The following LDLRAP1 variants were observed in gnomAD, a reference collection of about 807,000 sequenced individuals.
LDLRAP1 encodes the protein low density lipoprotein receptor adapter protein 1.
In LDLRAP1, 30 loss-of-function variants were observed where a neutral mutation model predicts 37.8. The observed-to-expected ratio is 0.79, with a 90% confidence interval of 0.59 to 1.08. The LOEUF is 1.08. LDLRAP1 is among the 50% of genes least tolerant of loss of function. The probability of loss-of-function intolerance (pLI) is 0.00; values close to 1 mark genes in which losing one functional copy is unlikely to be tolerated. For synonymous variants in LDLRAP1, 156 were observed against 169.8 expected (o/e 0.92, Z 0.63); for missense variants, 375 against 401.6 (o/e 0.93, Z 0.57).
rs549828915 is a variant in LDLRAP1 at position 25,554,379 on chromosome 1, C to G, written c.231+315C>G. The stretch of plus-strand genomic sequence containing the variant: ...AGTTTGCTTTCCCTTGACTACCTGC[C>G]CAATGGCCTGAGAGACAGCATAGCC... On this transcript the variant is annotated intron_variant, in intron 2 of 8. Coordinates refer to ENST00000374338, the MANE Select transcript of LDLRAP1 (RefSeq NM_015627.3). This position sits in a 1 kb window ranked among gnomAD's most constrained non-coding sequence, Gnocchi z 5.4. Among the ~76,000 whole-genome samples, 43 of 152,260 alleles carry G rather than the reference C, an allele frequency of 2.8e-4. No homozygotes were observed. The highest frequency in any genetic ancestry group is 8.3e-4 in the South Asian group (4 of 4,818).
In LDLRAP1 at chr1:25,563,720, G is replaced by A. The variant is rs143563728; in HGVS notation, c.676G>A (p.Val226Ile). The change falls in exon 7 of 9, where the codon GTC (valine) becomes ATC (isoleucine). Residue 226 changes from valine (V) to isoleucine (I), a missense_variant. Val to Ile is a conservative substitution (Grantham distance 29, BLOSUM62 3). Coordinates refer to ENST00000374338, the MANE Select transcript of LDLRAP1 (RefSeq NM_015627.3). ...EETAKAPLSTVSANTTNMDEV... is the reference protein window; with the variant it reads ...EETAKAPLSTISANTTNMDEV... ...GACAGCTAAGGCCCCGCTGTCCACGGTCAGCGCCAACACCACCAACATGGA... is the reference window on the plus strand; with the variant it reads ...GACAGCTAAGGCCCCGCTGTCCACGATCAGCGCCAACACCACCAACATGGA... 2.8e-5 allele frequency: 45 copies of A among 1,613,990 alleles called. No homozygotes were observed. In the African/African-American group the frequency reaches 5.6e-4, roughly 20 times the overall value.
In LDLRAP1 at chr1:25,568,314, C is replaced by A. The variant is rs1232684603; in HGVS notation, c.*1322C>A. The A allele has an allele frequency of 6.6e-6, 1 of 152,510 alleles. No homozygotes were observed. Among genetic ancestry groups the A allele is most frequent in the South Asian group, 2.1e-4 (1 of 4,828 alleles). The allele number at this position is 152,510 out of a possible 1,614,324, so 9.4% of individuals were successfully genotyped here. A position where few individuals can be genotyped will look rare whatever the true frequency, so the allele number is the denominator to read the frequency against. ...AATCATGCTGTTCTCTTTGCTGACACTGTGACCCTGGGTCGGGACAGACCA... is the reference window on the plus strand; with the variant it reads ...AATCATGCTGTTCTCTTTGCTGACAATGTGACCCTGGGTCGGGACAGACCA... On this transcript the variant is annotated 3_prime_UTR_variant, in exon 9 of 9. Coordinates refer to ENST00000374338, the MANE Select transcript of LDLRAP1 (RefSeq NM_015627.3).
chr1:25,578,112 A>G, the LDLRAP1 span, among the ~76,000 whole-genome samples: 4 of 152,126 alleles, frequency 2.6e-5, no homozygotes, highest in Non-Finnish European at 4.4e-5. Context: ...TCACCCCAAC[A>G]GGGCTCTGGC....
At chr1:25,574,727 G>T in the LDLRAP1 span, among the ~76,000 whole-genome samples, 24 of 152,296 alleles carry the variant, frequency 1.6e-4, no homozygotes, top group African/African-American at 5.8e-4. Context: ...CTCTGGGTGT[G>T]CATGAGTGAG....
At chr1:25,556,992 T>G (rs1165187808) in intron 3 of LDLRAP1, among the ~76,000 whole-genome samples, 161 bp from the exon 4 acceptor site, 1 of 152,150 alleles carries the variant, frequency 6.6e-6, no homozygotes, top group Non-Finnish European at 1.5e-5. Context: ...ACAGATGGCC[T>G]AGGTACCCAG....
chr1:25,582,565 C>T, the LDLRAP1 span, among the ~76,000 whole-genome samples: 1 of 144,078 alleles, frequency 6.9e-6, no homozygotes, highest in African/African-American at 2.6e-5. Context: ...AGCCTGGCGA[C>T]AGAGCGAGAC....
rs371946378 is a variant in LDLRAP1, at chr1:25,556,125, G to A, written c.345-1028G>A. On this transcript the variant is annotated intron_variant, in intron 3 of 8. Transcript: ENST00000374338. ...ACCTTCACGCTCTGCCCACCGGGGT[G>A]TTGATGCCTGTGATTGAAGCTGGGG... is the stretch of plus-strand genomic sequence containing the variant. Among the ~76,000 whole-genome samples, 3 of 152,320 alleles carry A rather than the reference G, an allele frequency of 2.0e-5. No homozygotes were observed. The East Asian group carries it at 5.8e-4, about 29-fold the overall frequency.
chr1:25,574,835 G>A, the LDLRAP1 span, among the ~76,000 whole-genome samples: 14 of 152,310 alleles, frequency 9.2e-5, no homozygotes, highest in South Asian at 2.1e-4. Context: ...TTCCTTGTGC[G>A]TCTGTGGGTT....
the LDLRAP1 span, among the ~76,000 whole-genome samples, chr1:25,578,184 C>T: frequency 6.6e-6 from 1 of 152,208 alleles, no homozygotes; most frequent in Non-Finnish European, 1.5e-5. Context: ...CTCTCCTCAG[C>T]ACACAAAGAA....
chr1:25,555,519 A>C lies in LDLRAP1; in HGVS notation c.344+547A>C, dbSNP rs2044177692. 6.6e-6 allele frequency among the ~76,000 whole-genome samples: 1 copy of C among 152,172 alleles called. No homozygotes were observed. Among genetic ancestry groups the C allele is most frequent in the South Asian group, 2.1e-4 (1 of 4,836 alleles). On this transcript the variant is annotated intron_variant, in intron 3 of 8. Transcript: ENST00000374338. This position sits in a 1 kb window ranked among gnomAD's most constrained non-coding sequence, Gnocchi z 4.7. ...GAACTGGAAGGGACAGCTCAGGTCC[A>C]TTTTACAGATGGAGAAGCTGAGGCC...
chr1:25,582,310 G>C, the LDLRAP1 span, among the ~76,000 whole-genome samples: 1 of 152,164 alleles, frequency 6.6e-6, no homozygotes, highest in Non-Finnish European at 1.5e-5. Flanking sequence ...GAATGGTCTG[G>C]GCGTGGTGGC....
the LDLRAP1 span, among the ~76,000 whole-genome samples, chr1:25,586,548 G>A: frequency 6.7e-6 from 1 of 149,620 alleles, no homozygotes; most frequent in African/African-American, 2.5e-5. The surrounding 1 kb of genome is among the most constrained non-coding windows in gnomAD (Gnocchi z 4.3). Context: ...ATGTGTGCAT[G>A]TGTGTGTGTG....
downstream of LDLRAP1, among the ~76,000 whole-genome samples, chr1:25,573,605 G>A (rs1259212790): frequency 1.3e-5 from 2 of 152,202 alleles, no homozygotes; most frequent in Non-Finnish European, 2.9e-5. Context: ...AACACTGTTG[G>A]GGGGCAGGGA....
At chr1:25,565,074 C>T in intron 7 of LDLRAP1, 99 bp from the exon 8 acceptor site, 2 of 1,351,054 alleles carry the variant, frequency 1.5e-6, no homozygotes, top group Non-Finnish European at 2.1e-6. Context: ...GAGCTTGTGT[C>T]CTGAGTCCCT....
chr1:25,571,036 C>G (rs1323775665), downstream of LDLRAP1, among the ~76,000 whole-genome samples: 3 of 152,212 alleles, frequency 2.0e-5, no homozygotes, highest in Non-Finnish European at 4.4e-5. Flanking sequence ...CTCACATCCA[C>G]TCGGGGATCT....
downstream of LDLRAP1, among the ~76,000 whole-genome samples, chr1:25,569,661 A>C (rs965555855): frequency 1.3e-5 from 2 of 152,202 alleles, no homozygotes; most frequent in Non-Finnish European, 2.9e-5. Context: ...TATGTCTAAA[A>C]ATGGTAAAGT....
chr1:25,557,632 C>G (rs560407208), intron 4 of LDLRAP1, among the ~76,000 whole-genome samples: 58 of 152,222 alleles, frequency 3.8e-4, no homozygotes, highest in African/African-American at 1.3e-3. Context: ...AATGGGAGAT[C>G]AGGGGGGCCT....
intron 4 of LDLRAP1, among the ~76,000 whole-genome samples, chr1:25,558,744 T>G (rs2044271235): frequency 6.6e-6 from 1 of 152,206 alleles, no homozygotes; most frequent in Non-Finnish European, 1.5e-5. Context: ...CTGAGTAATC[T>G]GGGATAATCT....
chr1:25,544,848 AC>A lies in LDLRAP1; in HGVS notation c.88+1067del, dbSNP rs889298227. ...ATCAGGAAACAACTGACAGTACAGC[AC>A]CCCCTCATCCCATCCCCTCTTGGCC... is the stretch of plus-strand genomic sequence containing the variant. On this transcript the variant is annotated intron_variant, in intron 1 of 8. Transcript: ENST00000374338. The surrounding 1 kb of genome is among the most constrained non-coding windows in gnomAD (Gnocchi z 4.8). Among the ~76,000 whole-genome samples the A allele has an allele frequency of 1.3e-5, 2 of 151,902 alleles. No individual in the cohort carries two copies. Among genetic ancestry groups the A allele is most frequent in the African/African-American group, 4.8e-5 (2 of 41,316 alleles).
Sources: allele counts gnomAD v4.1 joint callset (sites outside exome capture counted in the v4.1 genomes callset), GRCh38; gene constraint gnomAD v4.1.1; non-coding constraint Gnocchi (gnomAD v3.1); transcripts MANE v1.5; gene names NCBI Gene and HGNC (gene_info 2026-07-23, HGNC 2026-07-21).